LRRTM4: variants seen among roughly 807,000 people sequenced by gnomAD.
LRRTM4 encodes the protein leucine-rich repeat transmembrane neuronal protein 4.
In LRRTM4, 25 loss-of-function variants were observed where a neutral mutation model predicts 47.6. The observed-to-expected ratio is 0.53, with a 90% confidence interval of 0.38 to 0.73. LRRTM4 has a LOEUF of 0.73. LRRTM4 is among the 30% of genes least tolerant of loss of function. The probability of loss-of-function intolerance (pLI) is 0.00; values close to 1 mark genes in which losing one functional copy is unlikely to be tolerated. For synonymous variants in LRRTM4, 311 were observed against 269.5 expected, an observed-to-expected ratio of 1.15 and a Z score of -1.51; for missense variants, 638 against 713.4, an observed-to-expected ratio of 0.89 and a Z score of 1.20.
At chr2:76,897,361 G>A (rs139001812) in intron 3 of LRRTM4, among the ~76,000 whole-genome samples, 1 of 152,110 alleles carries the variant, frequency 6.6e-6, no homozygotes, top group Non-Finnish European at 1.5e-5. Context: ...GTAAGAGCTT[G>A]TGTGTAAGGG....
At chr2:77,130,325 T>C (rs967484603) in intron 3 of LRRTM4, among the ~76,000 whole-genome samples, 40 of 152,100 alleles carry the variant, frequency 2.6e-4, no homozygotes, top group Middle Eastern at 3.4e-3. Flanking sequence ...TATTCTTTCC[T>C]CCAGAATGGT....
intron 3 of LRRTM4, among the ~76,000 whole-genome samples, chr2:77,107,706 T>C (rs1332905016): frequency 6.6e-6 from 1 of 150,704 alleles, no homozygotes; most frequent in Non-Finnish European, 1.5e-5. Flanking sequence ...TAATCCTAGC[T>C]ACTTGGGAGG....
intron 3 of LRRTM4, among the ~76,000 whole-genome samples, chr2:76,879,467 T>G (rs1201323857): frequency 2.0e-5 from 3 of 152,216 alleles, no homozygotes; most frequent in African/African-American, 7.2e-5. Flanking sequence ...TACAGCATGG[T>G]TTCCTGAATA....
intron 3 of LRRTM4, among the ~76,000 whole-genome samples, chr2:76,951,746 G>A (rs2103887964): frequency 6.6e-6 from 1 of 151,512 alleles, no homozygotes; most frequent in East Asian, 2.0e-4. Context: ...AGCCCCGCAT[G>A]CATTAGGTAT....
intron 3 of LRRTM4, among the ~76,000 whole-genome samples, chr2:76,975,403 CTTATTTAT>C (rs34131318): frequency 1.1e-4 from 17 of 149,312 alleles, no homozygotes; most frequent in Middle Eastern, 6.8e-3. Context: ...TCATAAGAGA[CTTATTTAT>C]TTATTTATTT....
intron 3 of LRRTM4, among the ~76,000 whole-genome samples, chr2:76,891,764 A>G (rs1368345470): frequency 6.6e-6 from 1 of 151,796 alleles, no homozygotes; most frequent in African/African-American, 2.4e-5. Context: ...TATAAGTACT[A>G]GAGGAAAACA....
chr2:77,177,749 T>A (rs2103849269), intron 3 of LRRTM4, among the ~76,000 whole-genome samples: 1 of 152,326 alleles, frequency 6.6e-6, no homozygotes, highest in Non-Finnish European at 1.5e-5. Context: ...TCTTAAGGAC[T>A]TGATTCTTTT....
At chr2:77,044,943 G>GTT (rs1454533380) in intron 3 of LRRTM4, among the ~76,000 whole-genome samples, 2 of 151,900 alleles carry the variant, frequency 1.3e-5, no homozygotes, top group Non-Finnish European at 2.9e-5. Context: ...ATGTGTGTGT[G>GTT]TATGTGGCAC....
intron 3 of LRRTM4, among the ~76,000 whole-genome samples, chr2:77,075,681 C>T (rs1195363214): frequency 2.6e-5 from 4 of 151,432 alleles, no homozygotes; most frequent in East Asian, 1.9e-4. Context: ...TTTGGGAGGC[C>T]GAGGCGGGCA....
intron 3 of LRRTM4, among the ~76,000 whole-genome samples, chr2:77,312,806 G>A (rs1195723496): frequency 6.6e-6 from 1 of 152,162 alleles, no homozygotes. Flanking sequence ...TTATGATAGA[G>A]ATTTGGTATA....
At chr2:77,201,066 G>T (rs773425294) in intron 3 of LRRTM4, among the ~76,000 whole-genome samples, 4 of 152,062 alleles carry the variant, frequency 2.6e-5, no homozygotes, top group Admixed American at 2.0e-4. Context: ...TCAAAACAAT[G>T]ATTTCAGGAG....
chr2:76,817,423 T>C (rs1478986955), intron 3 of LRRTM4, among the ~76,000 whole-genome samples: 1 of 151,896 alleles, frequency 6.6e-6, no homozygotes, highest in Non-Finnish European at 1.5e-5. Context: ...GGGGTGAGCA[T>C]GTAGGAGATA....
At chr2:77,050,016 G>C (rs1358085760) in intron 3 of LRRTM4, among the ~76,000 whole-genome samples, 4 of 151,638 alleles carry the variant, frequency 2.6e-5, no homozygotes, top group Non-Finnish European at 5.9e-5. Context: ...CTGCAACAAA[G>C]AATCATCTCC....
At chr2:77,285,208 C>T (rs191855208) in intron 3 of LRRTM4, among the ~76,000 whole-genome samples, 26 of 151,332 alleles carry the variant, frequency 1.7e-4, no homozygotes, top group Admixed American at 1.1e-3. Flanking sequence ...GAGAGCATTT[C>T]GGCACAAATT....
At chr2:76,895,940 G>C (rs544685069) in intron 3 of LRRTM4, among the ~76,000 whole-genome samples, 1 of 151,968 alleles carries the variant, frequency 6.6e-6, no homozygotes, top group Non-Finnish European at 1.5e-5. Flanking sequence ...ACCTCACTGG[G>C]ATCACATCTG....
intron 3 of LRRTM4, among the ~76,000 whole-genome samples, chr2:77,470,135 G>A (rs2103990808): frequency 6.6e-6 from 1 of 152,272 alleles, no homozygotes; most frequent in African/African-American, 2.4e-5. Context: ...TATTTGGGCT[G>A]TAGGGAAAAC....
chr2:76,760,448 T>TCCA (rs1252225428), intron 3 of LRRTM4, among the ~76,000 whole-genome samples: 5 of 152,122 alleles, frequency 3.3e-5, no homozygotes, highest in Non-Finnish European at 7.4e-5. Flanking sequence ...ATCAGGTGGT[T>TCCA]TCTGAGCCAA....
intron 3 of LRRTM4, among the ~76,000 whole-genome samples, chr2:77,289,630 T>C (rs1676764062): frequency 6.6e-6 from 1 of 152,192 alleles, no homozygotes; most frequent in Non-Finnish European, 1.5e-5. Flanking sequence ...GTTAGGTTAC[T>C]ACCGACAATT....
chr2:77,296,435 A>G (rs976012962), intron 3 of LRRTM4, among the ~76,000 whole-genome samples: 19 of 152,180 alleles, frequency 1.2e-4, no homozygotes, highest in African/African-American at 4.1e-4. Context: ...GTAATAAGAC[A>G]TATTACAGCA....
Sources: allele counts gnomAD v4.1 joint callset (sites outside exome capture counted in the v4.1 genomes callset), GRCh38; gene constraint gnomAD v4.1.1; transcripts MANE v1.5; gene names NCBI Gene and HGNC (gene_info 2026-07-23, HGNC 2026-07-21).